The following BCO2 variants were observed in gnomAD, a reference collection of about 807,000 sequenced individuals.
The protein encoded by BCO2 is carotenoid-cleaving dioxygenase, mitochondrial.
In BCO2, 56 loss-of-function variants were observed where a neutral mutation model predicts 65.8. The observed-to-expected ratio is 0.85, with a 90% confidence interval of 0.69 to 1.06. The LOEUF (loss-of-function observed/expected upper bound fraction) is 1.06, where lower values mean the gene tolerates loss of function less well. Among genes scored for constraint, BCO2 ranks in the 50% least tolerant of loss-of-function variants. The pLI is 0.00. For missense variants in BCO2, 675 were observed against 698.5 expected, an observed-to-expected ratio of 0.97 and a Z score of 0.38; for synonymous variants, 233 against 242.3, an observed-to-expected ratio of 0.96 and a Z score of 0.36.
chr11:112,180,669 G>A (rs762345723), intron 2 of BCO2: 5 of 712,740 alleles, frequency 7.0e-6, no homozygotes, highest in East Asian at 2.6e-5. Flanking sequence ...GAAGGGAGGC[G>A]AATCCAAGTG....
chr11:112,182,965 T>C lies in BCO2; in HGVS notation c.293+3483T>C, dbSNP rs1026471168. 3 of 1,097,032 alleles carry C rather than the reference T, an allele frequency of 2.7e-6. No individual in the cohort carries two copies. In the African/African-American group the frequency reaches 4.6e-5, roughly 17 times the overall value. The allele number at this position is 1,097,032 out of a possible 1,614,324, so 68.0% of individuals were successfully genotyped here. A position where few individuals can be genotyped will look rare whatever the true frequency, so the allele number is the denominator to read the frequency against. The stretch of plus-strand genomic sequence containing the variant: ...GGTGTTAATCTGAAAGGTGTAGATA[T>C]GGAAGGAAGTCAGATGACAGGAATT... On this transcript the variant is annotated intron_variant, in intron 2 of 11. Transcript: ENST00000357685.
chr11:112,209,399 T>C (rs1178043273), intron 8 of BCO2, among the ~76,000 whole-genome samples: 2 of 152,234 alleles, frequency 1.3e-5, no homozygotes, highest in African/African-American at 2.4e-5. Context: ...GCATTTAAGG[T>C]TCCTCTGTGT....
intron 2 of BCO2, among the ~76,000 whole-genome samples, chr11:112,185,678 T>A (rs1020135536): frequency 2.6e-5 from 4 of 152,216 alleles, no homozygotes; most frequent in Non-Finnish European, 5.9e-5. Context: ...AGCCTTTTTA[T>A]CCATGTTGCT....
chr11:112,209,148 A>T (rs117246179), intron 8 of BCO2, among the ~76,000 whole-genome samples: 1 of 152,158 alleles, frequency 6.6e-6, no homozygotes, highest in African/African-American at 2.4e-5. Context: ...TGTGTTGTAC[A>T]GTTCTACCGG....
In BCO2 at chr11:112,214,747, T is replaced by C. The variant is rs1859608210; in HGVS notation, c.1333-15T>C. ...ATTAAGCAACCACTACAAATCCTTT[T>C]GAAATCTCTTTTAGATCTGGTGCTC... On this transcript the variant is annotated splice_polypyrimidine_tract_variant and intron_variant, in intron 9 of 11. Coordinates refer to ENST00000357685, the MANE Select transcript of BCO2 (RefSeq NM_031938.7). 1 of 1,606,552 alleles carries C rather than the reference T, an allele frequency of 6.2e-7. No homozygotes were observed. The highest frequency in any genetic ancestry group is 8.5e-7 in the Non-Finnish European group (1 of 1,174,330).
intron 5 of BCO2, among the ~76,000 whole-genome samples, chr11:112,195,368 C>T (rs1207203137): frequency 2.6e-5 from 4 of 152,124 alleles, no homozygotes; most frequent in Non-Finnish European, 4.4e-5. Flanking sequence ...CTCCTGACCT[C>T]GTGATCTGCC....
chr11:112,198,402 A>G (rs1488544080), intron 5 of BCO2, among the ~76,000 whole-genome samples: 1 of 152,122 alleles, frequency 6.6e-6, no homozygotes, highest in African/African-American at 2.4e-5. Context: ...ACAAGTGCCT[A>G]GAATATAGTA....
rs142702836 is a variant in BCO2, at chr11:112,199,459, G to A, written c.737-240G>A. Among the ~76,000 whole-genome samples the A allele has an allele frequency of 4.1e-4, 60 of 147,284 alleles. 1 individual carries two copies. In the East Asian group the frequency reaches 0.01, roughly 26 times the overall value. On this transcript the variant is annotated intron_variant, in intron 5 of 11. Coordinates refer to ENST00000357685, the MANE Select transcript of BCO2 (RefSeq NM_031938.7). ...AATTAGAGATGAAGTTAGCATTATA[G>A]TACAATGAATCATTGGTTGATCACT...
intron 6 of BCO2, among the ~76,000 whole-genome samples, chr11:112,200,216 T>G (rs1867691067): frequency 6.6e-6 from 1 of 152,166 alleles, no homozygotes; most frequent in African/African-American, 2.4e-5. Flanking sequence ...TTCTGTACTT[T>G]AAATCATTAT....
At chr11:112,177,909 CT>C (rs11460820) in intron 1 of BCO2, among the ~76,000 whole-genome samples, 1,761 of 135,310 alleles carry the variant, frequency 0.013, 35 homozygotes, top group African/African-American at 0.045. Context: ...ATGGAATTTG[CT>C]TTTTTTTTTT....
At chr11:112,194,196 T>G in intron 4 of BCO2, 4 of 526,732 alleles carry the variant, frequency 7.6e-6, no homozygotes, top group Non-Finnish European at 1.4e-5. Context: ...CTAAACTCCT[T>G]CCTTAGTCCT....
intron 2 of BCO2, among the ~76,000 whole-genome samples, chr11:112,182,177 C>T (rs1268777018): frequency 1.3e-5 from 2 of 151,964 alleles, no homozygotes; most frequent in East Asian, 1.9e-4. Flanking sequence ...GTTAGAATGG[C>T]GATCATTAAA....
At chr11:112,194,015 A>C (rs776283430) in intron 4 of BCO2, 21 bp downstream of exon 4, 4 of 1,203,584 alleles carry the variant, frequency 3.3e-6, no homozygotes, top group Non-Finnish European at 5.0e-6. Context: ...GGTAAAAAAA[A>C]ATGAATAAAA....
chr11:112,189,884 C>T (rs983390550), intron 2 of BCO2, among the ~76,000 whole-genome samples: 1 of 152,162 alleles, frequency 6.6e-6, no homozygotes, highest in African/African-American at 2.4e-5. Context: ...ATGAAGGAAA[C>T]TTCCCTATTG....
In BCO2 at chr11:112,193,596, G is replaced by A. The variant is rs764094222; in HGVS notation, c.416G>A (p.Arg139Gln). 1.1e-5 allele frequency: 18 copies of A among 1,613,982 alleles called. No homozygotes were observed. Among genetic ancestry groups the A allele is most frequent in the African/African-American group, 1.1e-4 (8 of 74,892 alleles). Residue 139 changes from arginine (R) to glutamine (Q), a missense_variant, in exon 3 of 12, where the codon CGA becomes CAA. Arg to Gln is a conservative substitution (Grantham distance 43). Transcript: ENST00000357685. ...TATAAGGCCAACAGTGCTAAAAACCGAATTGTGATCTCAGAATTTGGCACA... is the reference window on the plus strand; with the variant it reads ...TATAAGGCCAACAGTGCTAAAAACCAAATTGTGATCTCAGAATTTGGCACA... ...DTYKANSAKN[R>Q]IVISEFGTLA...
At chr11:112,213,268 C>T (rs542754061) in intron 8 of BCO2, among the ~76,000 whole-genome samples, 148 of 149,990 alleles carry the variant, frequency 9.9e-4, no homozygotes, top group African/African-American at 3.4e-3. Context: ...CCCAGCCTCC[C>T]GAGTAGCTGG....
At chr11:112,209,956 G>A (rs1859461094) in intron 8 of BCO2, among the ~76,000 whole-genome samples, 1 of 151,958 alleles carries the variant, frequency 6.6e-6, no homozygotes, top group South Asian at 2.1e-4. Context: ...TTTTGGTTTT[G>A]TGGTTTTTCT....
chr11:112,202,234 C>A (rs1449305082), intron 8 of BCO2, 44 bp downstream of exon 8: 6 of 1,534,956 alleles, frequency 3.9e-6, no homozygotes, highest in Non-Finnish European at 4.4e-6. Context: ...TAATTTTGAA[C>A]TCCAAGATCT....
chr11:112,218,518 G>T lies in BCO2; in HGVS notation c.*644G>T. 1 of 279,580 alleles carries T rather than the reference G, an allele frequency of 3.6e-6. No homozygotes were observed. The highest frequency in any genetic ancestry group is 4.0e-5 in the South Asian group (1 of 25,034). 17.3% of individuals were successfully genotyped at this position (279,580 alleles called of 1,614,324 possible). A position where few individuals can be genotyped will look rare whatever the true frequency, so the allele number is the denominator to read the frequency against. On this transcript the variant is annotated 3_prime_UTR_variant, in exon 12 of 12. Transcript: ENST00000357685. The stretch of plus-strand genomic sequence containing the variant: ...CAATGAGCCTATGTATGTCAAGTTG[G>T]TGGAGTCCCATGGTGCTGAACACCA...
Sources: gnomAD v4.1 joint callset for allele counts (sites outside exome capture counted in the v4.1 genomes callset) on GRCh38, gnomAD v4.1.1 for gene constraint, MANE v1.5 for transcripts, NCBI Gene and HGNC (gene_info 2026-07-23, HGNC 2026-07-21) for gene names.